CHCHD6: variants seen among roughly 807,000 people sequenced by gnomAD.
The protein encoded by CHCHD6 is MICOS complex subunit MIC25.
Under a neutral mutation model 32.3 loss-of-function variants are expected in CHCHD6, and 28 were observed. The observed-to-expected ratio is 0.87, with a 90% CI of 0.64 to 1.19. CHCHD6 has a LOEUF of 1.19. CHCHD6 is among the 50% of genes most tolerant of loss of function. The probability of loss-of-function intolerance (pLI) is 0.00; values close to 1 mark genes in which losing one functional copy is unlikely to be tolerated. For synonymous variants in CHCHD6, 122 were observed against 117.5 expected (o/e 1.04, Z -0.25); for missense variants, 333 against 307.0 (o/e 1.08, Z -0.63).
intron 5 of CHCHD6, among the ~76,000 whole-genome samples, chr3:126,914,156 C>T (rs1210411222): frequency 6.6e-6 from 1 of 152,174 alleles, no homozygotes; most frequent in Non-Finnish European, 1.5e-5. Context: ...CTTACACTGC[C>T]CCGTTGCTCT....
intron 4 of CHCHD6, among the ~76,000 whole-genome samples, chr3:126,804,072 A>G (rs1214324150): frequency 6.6e-6 from 1 of 152,152 alleles, no homozygotes; most frequent in Non-Finnish European, 1.5e-5. Context: ...CAGTGTGTAG[A>G]GGGAAATTTA....
At chr3:126,854,132 C>T (rs1427489870) in intron 5 of CHCHD6, among the ~76,000 whole-genome samples, 2 of 152,154 alleles carry the variant, frequency 1.3e-5, no homozygotes, top group Non-Finnish European at 2.9e-5. Flanking sequence ...CCCTAGTTCT[C>T]CTCCTAGAAA....
intron 5 of CHCHD6, among the ~76,000 whole-genome samples, chr3:126,908,141 T>C (rs1434499234): frequency 6.6e-6 from 1 of 152,230 alleles, no homozygotes; most frequent in African/African-American, 2.4e-5. Flanking sequence ...AGTGGACATA[T>C]CACTGTTTGA....
rs533884751 is a variant in CHCHD6, at chr3:126,791,237, G to C, written c.411+58015G>C. Among the ~76,000 whole-genome samples, 608 of 152,350 alleles carry C rather than the reference G, an allele frequency of 4.0e-3. 2 individuals are homozygous for C. The highest frequency in any genetic ancestry group is 7.0e-3 in the Non-Finnish European group (473 of 68,022). ...TTGAGGTGTCAGTCTGCCCCTATTG[G>C]GGGGTGCCTCCCAGTTAGGCTCCTT... is the stretch of plus-strand genomic sequence containing the variant. On this transcript the variant is annotated intron_variant, in intron 4 of 7. Coordinates refer to ENST00000290913, the MANE Select transcript of CHCHD6 (RefSeq NM_032343.3).
intron 5 of CHCHD6, among the ~76,000 whole-genome samples, chr3:126,873,499 A>G (rs561123805): frequency 6.6e-6 from 1 of 152,258 alleles, no homozygotes; most frequent in Admixed American, 6.5e-5. Flanking sequence ...GTCCTTCCCT[A>G]TGGCTGTTGA....
At chr3:126,939,245 G>C (rs534370253) in intron 6 of CHCHD6, among the ~76,000 whole-genome samples, 3 of 152,216 alleles carry the variant, frequency 2.0e-5, no homozygotes, top group Admixed American at 6.5e-5. Flanking sequence ...CCAGGGGTTT[G>C]GGCTTTATTT....
intron 5 of CHCHD6, among the ~76,000 whole-genome samples, chr3:126,875,838 G>A (rs1224146760): frequency 6.6e-6 from 1 of 152,222 alleles, no homozygotes; most frequent in African/African-American, 2.4e-5. Flanking sequence ...CCTGTCACAT[G>A]TTCTCCCTTA....
intron 6 of CHCHD6, among the ~76,000 whole-genome samples, chr3:126,930,955 A>G (rs1181084209): frequency 2.0e-5 from 3 of 152,256 alleles, no homozygotes; most frequent in African/African-American, 7.2e-5. Context: ...ATCTCTTCCT[A>G]TCTGCCAAAG....
rs763906148 is a variant in CHCHD6, at chr3:126,852,643, G to T, written c.412-4G>T. ...TAACGTGGGCTTTGTTCTCTTCCAA[G>T]CAGGCCAGGGAGCTGGAGAGCAGAG... On this transcript the variant is annotated splice_region_variant and splice_polypyrimidine_tract_variant and intron_variant, in intron 4 of 7. Coordinates refer to ENST00000290913, the MANE Select transcript of CHCHD6 (RefSeq NM_032343.3). The T allele has an allele frequency of 3.1e-6, 5 of 1,612,944 alleles. No homozygotes were observed. In the South Asian group the frequency reaches 4.4e-5, roughly 14 times the overall value.
At chr3:126,817,148 C>T (rs544220639) in intron 4 of CHCHD6, among the ~76,000 whole-genome samples, 1 of 152,276 alleles carries the variant, frequency 6.6e-6, no homozygotes, top group East Asian at 1.9e-4. Flanking sequence ...TCGCCGACTG[C>T]TCTCTCTGGG....
chr3:126,739,692 A>G (rs1936206668), intron 4 of CHCHD6, among the ~76,000 whole-genome samples: 1 of 151,778 alleles, frequency 6.6e-6, no homozygotes. Context: ...ATTAACTTCT[A>G]CTTTAATTCC....
intron 4 of CHCHD6, among the ~76,000 whole-genome samples, chr3:126,830,740 T>C (rs2107541502): frequency 6.6e-6 from 1 of 152,336 alleles, no homozygotes; most frequent in Middle Eastern, 3.4e-3. Context: ...GAGACTGGCC[T>C]TAGGAAGAGG....
At chr3:126,763,156 C>T (rs1460226512) in intron 4 of CHCHD6, among the ~76,000 whole-genome samples, 7 of 151,850 alleles carry the variant, frequency 4.6e-5, no homozygotes, top group Non-Finnish European at 8.8e-5. Context: ...GATTTGATTC[C>T]CTTCTGCTGT....
chr3:126,847,287 T>TG, intron 4 of CHCHD6, among the ~76,000 whole-genome samples: 1 of 152,288 alleles, frequency 6.6e-6, no homozygotes, highest in East Asian at 1.9e-4. Flanking sequence ...CTCATGTGAC[T>TG]GTGAGCAGGA....
chr3:126,725,154 C>G (rs978903170), intron 1 of CHCHD6, among the ~76,000 whole-genome samples: 1 of 152,174 alleles, frequency 6.6e-6, no homozygotes, highest in Non-Finnish European at 1.5e-5. Flanking sequence ...TCAGAGGAGT[C>G]ACTATGTATG....
intron 6 of CHCHD6, among the ~76,000 whole-genome samples, chr3:126,953,351 T>A (rs2078742333): frequency 6.6e-6 from 1 of 152,094 alleles, no homozygotes; most frequent in Non-Finnish European, 1.5e-5. Flanking sequence ...CTGAACTAGG[T>A]CTCGAATGAT....
intron 4 of CHCHD6, among the ~76,000 whole-genome samples, chr3:126,841,272 A>G (rs1941069780): frequency 6.6e-6 from 1 of 151,998 alleles, no homozygotes; most frequent in African/African-American, 2.4e-5. Context: ...TATGTGCCAC[A>G]TTTTCTTAAT....
intron 4 of CHCHD6, among the ~76,000 whole-genome samples, chr3:126,745,238 C>T (rs753093795): frequency 3.3e-5 from 5 of 152,124 alleles, no homozygotes; most frequent in Non-Finnish European, 7.3e-5. Flanking sequence ...GGTCAGGTGG[C>T]GAGGGCACTT....
At chr3:126,913,980 C>T (rs2078132880) in intron 5 of CHCHD6, among the ~76,000 whole-genome samples, 1 of 152,220 alleles carries the variant, frequency 6.6e-6, no homozygotes, top group Non-Finnish European at 1.5e-5. Context: ...AAACCTGGGT[C>T]TGTAGGTGCA....
Sources: allele counts gnomAD v4.1 joint callset (sites outside exome capture counted in the v4.1 genomes callset), GRCh38; gene constraint gnomAD v4.1.1; transcripts MANE v1.5; gene names NCBI Gene and HGNC (gene_info 2026-07-23, HGNC 2026-07-21).